Variants in GUCY2F observed in about 807,000 individuals in gnomAD.
GUCY2F encodes guanylate cyclase 2F, retinal, also known as retinal guanylyl cyclase 2.
In GUCY2F, 61 loss-of-function variants were observed where a neutral mutation model predicts 73.1. The observed-to-expected ratio is 0.83, with a 90% CI of 0.68 to 1.03. GUCY2F has a LOEUF of 1.03. GUCY2F is among the 50% of genes least tolerant of loss of function. The probability of loss-of-function intolerance (pLI) is 0.00; values close to 1 mark genes in which losing one functional copy is unlikely to be tolerated. For synonymous variants in GUCY2F, 331 were observed against 307.8 expected, an observed-to-expected ratio of 1.08 and a Z score of -0.79; for missense variants, 912 against 854.3, an observed-to-expected ratio of 1.07 and a Z score of -0.84.
At position 109,465,222 on chromosome X, in the gene GUCY2F, A is replaced by G. The variant is rs1288857667; in HGVS notation, c.952T>C (p.Ser318Pro). Residue 318 changes from serine to proline, a missense_variant, in exon 3 of 20, where the codon TCC (serine) becomes CCC (proline). Coordinates refer to ENST00000218006, the MANE Select transcript of GUCY2F (RefSeq NM_001522.3). Reference sequence around the variant, plus strand: ...GCTTGATAGAAGGTCTTTTCTTGGGACTCCACTGTAATGGTCAACACTGCA... The same window carrying G: ...GCTTGATAGAAGGTCTTTTCTTGGGGCTCCACTGTAATGGTCAACACTGCA... ...YDAVLTITVE[S>P]QEKTFYQAFT... The G allele has an allele frequency of 3.3e-6, 4 of 1,207,120 alleles. No individual in the cohort carries two copies. Among genetic ancestry groups the G allele is most frequent in the Non-Finnish European group, 3.4e-6 (3 of 891,931 alleles).
At chrX:109,391,440 A>T (rs752923581) in intron 14 of GUCY2F, among the ~76,000 whole-genome samples, 1 of 111,112 alleles carries the variant, frequency 9.0e-6, no homozygotes, top group African/African-American at 3.3e-5. Flanking sequence ...ATAAAACAGT[A>T]CCTGAAGGAG....
intron 8 of GUCY2F, among the ~76,000 whole-genome samples, chrX:109,416,275 G>T (rs1484276308): frequency 9.0e-6 from 1 of 110,876 alleles, no homozygotes; most frequent in African/African-American, 3.3e-5. Context: ...CTTTAACACA[G>T]ATTTTATAAA....
At position 109,475,200 on chromosome X, in the gene GUCY2F, C is replaced by T; in HGVS notation, c.730+7G>A. On this transcript the variant is annotated splice_region_variant and intron_variant, in intron 2 of 19. Coordinates refer to ENST00000218006, the MANE Select transcript of GUCY2F (RefSeq NM_001522.3). ...ACGTTTAAATTTCAGCGGGAGAAAG[C>T]ACTCACTGCGAATTCTGTCTGCCTG... The T allele has an allele frequency of 3.4e-6, 4 of 1,192,684 alleles. No individual in the cohort carries two copies. The highest frequency in any genetic ancestry group is 1.8e-5 in the South Asian group (1 of 54,155).
Position 109,393,060 on chromosome X carries a change from A to C in GUCY2F, c.2425-5T>G. 2.0e-6 allele frequency: 2 copies of C among 1,010,613 alleles called. No homozygotes were observed. The allele number at this position is 1,010,613 out of a possible 1,213,427, so 83.3% of individuals were successfully genotyped here. A position where few individuals can be genotyped will look rare whatever the true frequency, so the allele number is the denominator to read the frequency against. ...CCCTTTATTAAAAGTTTTAAACTGG[A>C]AGTAAAATAGAAAAGGGAACCAGAA... On this transcript the variant is annotated splice_polypyrimidine_tract_variant and splice_region_variant and intron_variant, in intron 12 of 19. Transcript: ENST00000218006.
In GUCY2F at chrX:109,381,353, A is replaced by G. The variant is rs192545236; in HGVS notation, c.3150+765T>C. The stretch of plus-strand genomic sequence containing the variant: ...TCCTGAGTCTTGACCTGATTCTGCT[A>G]TCAGTTGACTGTGTGACCCTGCTCA... On this transcript the variant is annotated intron_variant, in intron 17 of 19. Transcript: ENST00000218006. 2.6e-3 allele frequency among the ~76,000 whole-genome samples: 296 copies of G among 111,773 alleles called. 1 individual carries two copies. The highest frequency in any genetic ancestry group is 9.3e-3 in the African/African-American group (287 of 30,783).
At chrX:109,480,652 A>G (rs1244049769) in intron 1 of GUCY2F, among the ~76,000 whole-genome samples, 1 of 111,251 alleles carries the variant, frequency 9.0e-6, no homozygotes, top group Non-Finnish European at 1.9e-5. Flanking sequence ...GCCACATGCC[A>G]CAAAGTGTCC....
At chrX:109,456,145 C>G (rs933425747) in intron 3 of GUCY2F, among the ~76,000 whole-genome samples, 2 of 112,259 alleles carry the variant, frequency 1.8e-5, no homozygotes, top group Non-Finnish European at 3.8e-5. Flanking sequence ...ACCAAGGTAT[C>G]CACACTTAGT....
At chrX:109,390,496 A>G (rs1930535212) in intron 14 of GUCY2F, among the ~76,000 whole-genome samples, 1 of 112,004 alleles carries the variant, frequency 8.9e-6, no homozygotes, top group Non-Finnish European at 1.9e-5. Context: ...GCTGAAAAAA[A>G]TAAATTTCAT....
At chrX:109,476,061 C>CCTG in intron 1 of GUCY2F, 40 bp from the exon 2 acceptor site, 1 of 540,218 alleles carries the variant, frequency 1.9e-6, no homozygotes, top group Non-Finnish European at 2.8e-6. Context: ...CACATTATTT[C>CCTG]TGAAGCTTCT....
chrX:109,402,390 T>C (rs1459866824), intron 10 of GUCY2F, among the ~76,000 whole-genome samples: 1 of 109,120 alleles, frequency 9.2e-6, no homozygotes, highest in African/African-American at 3.3e-5. Context: ...TTTTTTTTTT[T>C]GAGACAGAGT....
chrX:109,451,428 C>T (rs182535820), intron 5 of GUCY2F, among the ~76,000 whole-genome samples: 3 of 111,781 alleles, frequency 2.7e-5, no homozygotes, highest in Admixed American at 9.5e-5. Flanking sequence ...AGTGAAGATC[C>T]TGAGCTTCCA....
chrX:109,398,193 A>G (rs1210756730), intron 11 of GUCY2F, among the ~76,000 whole-genome samples: 1 of 110,538 alleles, frequency 9.0e-6, no homozygotes, highest in African/African-American at 3.3e-5. Flanking sequence ...AAACAGTGGT[A>G]AGGCCTTGAC....
chrX:109,451,463 G>T (rs1208775029), intron 5 of GUCY2F, among the ~76,000 whole-genome samples: 1 of 111,792 alleles, frequency 8.9e-6, no homozygotes, highest in Admixed American at 9.5e-5. Context: ...AGTTCCTTGT[G>T]TCTGGGAAGG....
chrX:109,375,993 G>A lies in GUCY2F; in HGVS notation c.3240-7C>T, dbSNP rs774049852. On this transcript the variant is annotated splice_polypyrimidine_tract_variant and splice_region_variant and intron_variant, in intron 18 of 19. Transcript: ENST00000218006. ...CAGGCCATGGCCCACTTGCCTGCAG[G>A]GCAGGGGAGACATCAAATAGGTAGT... 6 of 1,191,511 alleles carry A rather than the reference G, an allele frequency of 5.0e-6. No homozygotes were observed. In the South Asian group the frequency reaches 1.1e-4, roughly 21 times the overall value.
In GUCY2F at chrX:109,441,239, G is replaced by A; in HGVS notation, c.1701+112C>T. 2 of 428,874 alleles carry A rather than the reference G, an allele frequency of 4.7e-6. 1 individual carries two copies. Among genetic ancestry groups the A allele is most frequent in the South Asian group, 1.5e-4 (2 of 13,455 alleles). 35.3% of individuals were successfully genotyped at this position (428,874 alleles called of 1,213,427 possible). A position where few individuals can be genotyped will look rare whatever the true frequency, so the allele number is the denominator to read the frequency against. On this transcript the variant is annotated intron_variant, in intron 7 of 19. Coordinates refer to ENST00000218006, the MANE Select transcript of GUCY2F (RefSeq NM_001522.3). ...CATAAGCAAACACAGACACCAAACT[G>A]GAAAGACTTGCCAAAAGCCCCAGTA...
chrX:109,384,044 TCC>T (rs1403009312), intron 16 of GUCY2F, among the ~76,000 whole-genome samples: 35 of 112,826 alleles, frequency 3.1e-4, no homozygotes, highest in Admixed American at 3.0e-3. Context: ...TTGAAGACTT[TCC>T]CAGATGTCAG....
At position 109,465,388 on chromosome X, in the gene GUCY2F, G is replaced by A; in HGVS notation, c.786C>T (p.Leu262=). 8.3e-7 allele frequency: 1 copy of A among 1,203,276 alleles called. No individual in the cohort carries two copies. Among genetic ancestry groups the A allele is most frequent in the Non-Finnish European group, 1.1e-6 (1 of 887,964 alleles). Residue 262 remains leucine (L), a synonymous_variant, in exon 3 of 20, where the codon CTC becomes CTT. Coordinates refer to ENST00000218006, the MANE Select transcript of GUCY2F (RefSeq NM_001522.3). ...TTTTCAGATCATGAGCACATTCCAA[G>A]AGATGCATCTGAGTCTCTCCCCCAA... ...ALIGGETQMH[L]LECAHDLKMT...
At position 109,475,583 on chromosome X, in the gene GUCY2F, C is replaced by G. The variant is rs1420973995; in HGVS notation, c.354G>C (p.Gln118His). ...RALSSFISHH[Q>H]MASGFIGPTN... ...TAGGTCCAATAAATCCTGAGGCCAT[C>G]TGGTGGTGGGAAATGAAACTGGAGA... Residue 118 changes from glutamine to histidine, a missense_variant, in exon 2 of 20, where the codon CAG (glutamine) becomes CAC (histidine). Transcript: ENST00000218006. 1 of 1,209,792 alleles carries G rather than the reference C, an allele frequency of 8.3e-7. No individual in the cohort carries two copies. Among genetic ancestry groups the G allele is most frequent in the Non-Finnish European group, 1.1e-6 (1 of 895,037 alleles).
At chrX:109,454,556 A>C (rs1189381305) in intron 3 of GUCY2F, among the ~76,000 whole-genome samples, 1 of 112,029 alleles carries the variant, frequency 8.9e-6, no homozygotes, top group Non-Finnish European at 1.9e-5. Flanking sequence ...GCAAAGCTTC[A>C]ACAAGAAGCC....
Sources: allele counts gnomAD v4.1 joint callset (sites outside exome capture counted in the v4.1 genomes callset), GRCh38; gene constraint gnomAD v4.1.1; transcripts MANE v1.5; gene names NCBI Gene and HGNC (gene_info 2026-07-23, HGNC 2026-07-21).